The following CHRM3 variants were observed in gnomAD, a reference collection of about 807,000 sequenced individuals.
The protein encoded by CHRM3 is cholinergic receptor muscarinic 3.
A neutral mutation model predicts 41.8 loss-of-function variants in CHRM3; 11 were observed. That is an observed-to-expected ratio of 0.26 (90% CI 0.17 to 0.44). The LOEUF is 0.44. Among genes scored for constraint, CHRM3 ranks in the 20% least tolerant of loss-of-function variants. The probability of loss-of-function intolerance (pLI) is 1.00; values close to 1 mark genes in which losing one functional copy is unlikely to be tolerated. For synonymous variants in CHRM3, 297 were observed against 301.4 expected (o/e 0.99, Z 0.15); for missense variants, 571 against 745.4 (o/e 0.77, Z 2.72).
intron 5 of CHRM3, among the ~76,000 whole-genome samples, chr1:239,700,913 C>T (rs901435149): frequency 6.6e-6 from 1 of 152,120 alleles, no homozygotes. Context: ...AGGGCAGCTC[C>T]CTTGACTGGA....
chr1:239,659,233 C>T (rs1158368215), intron 4 of CHRM3, among the ~76,000 whole-genome samples: 1 of 152,204 alleles, frequency 6.6e-6, no homozygotes, highest in Non-Finnish European at 1.5e-5. Flanking sequence ...CTCTTCCTCT[C>T]TAAGTTAGCC....
chr1:239,637,273 A>G (rs1461581769), intron 4 of CHRM3, among the ~76,000 whole-genome samples: 2 of 152,108 alleles, frequency 1.3e-5, no homozygotes, highest in African/African-American at 2.4e-5. Context: ...TTTAAACACC[A>G]TTATGTTTAT....
At chr1:239,503,791 A>C (rs2148149760) in intron 2 of CHRM3, among the ~76,000 whole-genome samples, 1 of 152,318 alleles carries the variant, frequency 6.6e-6, no homozygotes, top group African/African-American at 2.4e-5. Flanking sequence ...TCTTTGACAA[A>C]GCAAACAAAA....
intron 5 of CHRM3, among the ~76,000 whole-genome samples, chr1:239,765,944 G>A (rs1318497131): frequency 6.6e-6 from 1 of 151,620 alleles, no homozygotes; most frequent in Non-Finnish European, 1.5e-5. Flanking sequence ...AGCCTCCCGA[G>A]TAGCTGGGAT....
At chr1:239,763,204 T>C (rs1666940465) in intron 5 of CHRM3, among the ~76,000 whole-genome samples, 1 of 152,182 alleles carries the variant, frequency 6.6e-6, no homozygotes, top group Non-Finnish European at 1.5e-5. Context: ...GAACAACCAT[T>C]GCCTTAAATT....
intron 1 of CHRM3, among the ~76,000 whole-genome samples, chr1:239,470,406 G>A (rs1210675646): frequency 6.6e-6 from 1 of 152,146 alleles, no homozygotes; most frequent in Non-Finnish European, 1.5e-5. Flanking sequence ...CCAGTTTGTG[G>A]TAATTTGCTA....
intron 3 of CHRM3, among the ~76,000 whole-genome samples, chr1:239,579,823 T>C (rs1188579653): frequency 6.6e-6 from 1 of 152,188 alleles, no homozygotes; most frequent in Non-Finnish European, 1.5e-5. Flanking sequence ...TTCATTCATC[T>C]TCACATACAC....
intron 4 of CHRM3, among the ~76,000 whole-genome samples, chr1:239,634,922 G>A (rs1398161120): frequency 6.6e-6 from 1 of 152,140 alleles, no homozygotes; most frequent in African/African-American, 2.4e-5. Flanking sequence ...GTAAATTGAA[G>A]GTATAAGTTA....
intron 3 of CHRM3, among the ~76,000 whole-genome samples, chr1:239,604,586 G>A (rs1164648000): frequency 6.6e-6 from 1 of 152,204 alleles, no homozygotes; most frequent in African/African-American, 2.4e-5. Flanking sequence ...TACTCAGTGT[G>A]TTGGGTGGCA....
chr1:239,397,801 T>A (rs901521187), intron 1 of CHRM3, among the ~76,000 whole-genome samples: 2 of 149,854 alleles, frequency 1.3e-5, no homozygotes, highest in Admixed American at 1.3e-4. Context: ...TACCAAAAAT[T>A]TTAGTGTATT....
intron 6 of CHRM3, among the ~76,000 whole-genome samples, chr1:239,850,237 A>G (rs539701955): frequency 6.6e-6 from 1 of 152,314 alleles, no homozygotes; most frequent in African/African-American, 2.4e-5. Flanking sequence ...TGTTATTAAG[A>G]AAACCATTAA....
At chr1:239,757,313 C>T (rs550969068) in intron 5 of CHRM3, among the ~76,000 whole-genome samples, 39 of 152,200 alleles carry the variant, frequency 2.6e-4, no homozygotes, top group African/African-American at 8.9e-4. Context: ...ATTACATCTC[C>T]ATTCCGTATA....
intron 5 of CHRM3, among the ~76,000 whole-genome samples, chr1:239,755,990 A>G (rs1666212428): frequency 6.6e-6 from 1 of 152,208 alleles, no homozygotes; most frequent in Admixed American, 6.5e-5. Flanking sequence ...AGGCAGTTGT[A>G]TGTAGAACTC....
intron 4 of CHRM3, among the ~76,000 whole-genome samples, chr1:239,669,627 A>T (rs1674163242): frequency 6.6e-6 from 1 of 152,328 alleles, no homozygotes; most frequent in Admixed American, 6.5e-5. Context: ...AGGGGAAAAA[A>T]ATTCTAGAAT....
At chr1:239,605,909 G>C (rs999465521) in intron 3 of CHRM3, 1 of 152,102 alleles carries the variant, frequency 6.6e-6, no homozygotes, top group African/African-American at 2.4e-5. Context: ...AGTTTCCAAG[G>C]GGGTTCTCTG....
rs145499479 is a variant in CHRM3 at position 239,895,293 on chromosome 1, G to T, written c.-19-12140G>T. Among the ~76,000 whole-genome samples, 32 of 151,370 alleles carry T rather than the reference G, an allele frequency of 2.1e-4. 1 individual carries two copies. In the East Asian group the frequency reaches 3.3e-3, roughly 16 times the overall value. ...GTCCATCCCTCCCGAGTGCCACTGG[G>T]AGAGTTTGGGAGAAAGCCCGAATTT... On this transcript the variant is annotated intron_variant, in intron 6 of 6. Coordinates refer to ENST00000676153, the MANE Select transcript of CHRM3 (RefSeq NM_001375978.1).
intron 5 of CHRM3, among the ~76,000 whole-genome samples, chr1:239,761,733 T>C (rs1394342414): frequency 6.6e-6 from 1 of 152,164 alleles, no homozygotes; most frequent in Non-Finnish European, 1.5e-5. Flanking sequence ...GCTCTGCAGA[T>C]TGCTCCTGCA....
At chr1:239,900,861 C>A (rs1202712635) in intron 6 of CHRM3, among the ~76,000 whole-genome samples, 1 of 152,154 alleles carries the variant, frequency 6.6e-6, no homozygotes, top group Admixed American at 6.5e-5. Context: ...CGTATTCAGG[C>A]GAGCAAGATC....
chr1:239,809,891 A>G (rs188980146), intron 5 of CHRM3, among the ~76,000 whole-genome samples: 28 of 152,106 alleles, frequency 1.8e-4, no homozygotes, highest in Admixed American at 1.3e-3. Flanking sequence ...AGAAAGCCAC[A>G]CTCTTCTGCA....
Sources: allele counts gnomAD v4.1 joint callset (sites outside exome capture counted in the v4.1 genomes callset), GRCh38; gene constraint gnomAD v4.1.1; transcripts MANE v1.5; gene names NCBI Gene and HGNC (gene_info 2026-07-23, HGNC 2026-07-21).